EYS: variants seen among roughly 807,000 people sequenced by gnomAD.
EYS encodes EGF-like photoreceptor maintenance factor, also known as protein eyes shut homolog.
EYS carries 250 observed loss-of-function variants against 282.1 expected under a neutral mutation model. The ratio of observed to expected loss-of-function variants is 0.89; its 90% CI spans 0.80 to 0.98. The LOEUF (loss-of-function observed/expected upper bound fraction) is 0.98. Ranked by LOEUF, EYS falls within the 50% of genes least tolerant of loss-of-function variation. The probability of loss-of-function intolerance (pLI) is 0.00; values close to 1 mark genes in which losing one functional copy is unlikely to be tolerated. For synonymous variants in EYS, 1,355 were observed against 1,282.9 expected, an observed-to-expected ratio of 1.06 and a Z score of -1.20; for missense variants, 4,016 against 3,709.0, an observed-to-expected ratio of 1.08 and a Z score of -2.15.
intron 33 of EYS, among the ~76,000 whole-genome samples, chr6:64,055,281 C>T (rs1770944037): frequency 6.6e-6 from 1 of 151,904 alleles, no homozygotes; most frequent in Non-Finnish European, 1.5e-5. Flanking sequence ...AGTCCTACAG[C>T]AGCAATAGAA....
chr6:64,156,983 C>T (rs191010740), intron 31 of EYS, among the ~76,000 whole-genome samples: 123 of 151,372 alleles, frequency 8.1e-4, no homozygotes, highest in African/African-American at 2.7e-3. Context: ...TATGCTGGTG[C>T]GCTGCACCCA....
chr6:64,743,793 G>A (rs993826426), intron 22 of EYS, among the ~76,000 whole-genome samples: 2 of 152,138 alleles, frequency 1.3e-5, no homozygotes, highest in Admixed American at 6.5e-5. Context: ...AAAAGTGTCA[G>A]AAAATAATTG....
chr6:64,343,722 G>A (rs559611964), intron 29 of EYS, among the ~76,000 whole-genome samples: 1 of 152,140 alleles, frequency 6.6e-6, no homozygotes, highest in Non-Finnish European at 1.5e-5. Context: ...AGAACTGAAG[G>A]AAATAGAGAC....
chr6:65,374,786 C>T (rs956930766), intron 8 of EYS, among the ~76,000 whole-genome samples: 9 of 152,154 alleles, frequency 5.9e-5, no homozygotes, highest in East Asian at 1.9e-4. Context: ...CTGGGCGGAA[C>T]GCATCACAGC....
chr6:64,781,739 C>T (rs1773869984), intron 22 of EYS, among the ~76,000 whole-genome samples: 1 of 152,070 alleles, frequency 6.6e-6, no homozygotes, highest in Admixed American at 6.5e-5. Flanking sequence ...TTTTCTTTTT[C>T]ATACATTGGA....
At chr6:65,340,249 C>T (rs1215256151) in intron 10 of EYS, among the ~76,000 whole-genome samples, 1 of 151,042 alleles carries the variant, frequency 6.6e-6, no homozygotes, top group Admixed American at 6.6e-5. Context: ...AATTTCATAA[C>T]ATTTTTGTAG....
At chr6:64,855,627 C>T (rs1379662332) in intron 19 of EYS, among the ~76,000 whole-genome samples, 1 of 152,030 alleles carries the variant, frequency 6.6e-6, no homozygotes, top group Non-Finnish European at 1.5e-5. Context: ...AATATTGATA[C>T]ATTATTAAGA....
At chr6:65,327,438 GTTAT>G (rs142928107) in intron 11 of EYS, among the ~76,000 whole-genome samples, 5,518 of 151,562 alleles carry the variant, frequency 0.036, 150 homozygotes, top group Non-Finnish European at 0.053. Context: ...GGTTTGTGAT[GTTAT>G]TTATTTCTTA....
At position 64,181,653 on chromosome 6, in the gene EYS, A is replaced by G. The variant is rs557977724; in HGVS notation, c.6424+48939T>C. Among the ~76,000 whole-genome samples the G allele has an allele frequency of 6.1e-4, 93 of 152,270 alleles. No homozygotes were observed. The Middle Eastern group carries it at 0.02, about 33-fold the overall frequency. Reference sequence around the variant, plus strand: ...TTTCATTAGATTACTTAATTATCAGAAAGTTACCACCAACAGAATAAATGG... The same window carrying G: ...TTTCATTAGATTACTTAATTATCAGGAAGTTACCACCAACAGAATAAATGG... On this transcript the variant is annotated intron_variant, in intron 31 of 42. Coordinates refer to ENST00000503581, the MANE Select transcript of EYS (RefSeq NM_001142800.2).
intron 5 of EYS, among the ~76,000 whole-genome samples, chr6:65,459,365 G>A (rs187704750): frequency 8.9e-4 from 135 of 152,132 alleles, no homozygotes; most frequent in African/African-American, 3.1e-3. Context: ...AATAATTGCT[G>A]TCATTATCTG....
intron 11 of EYS, among the ~76,000 whole-genome samples, chr6:65,326,096 A>G (rs960770297): frequency 6.6e-6 from 1 of 151,594 alleles, no homozygotes; most frequent in Non-Finnish European, 1.5e-5. Flanking sequence ...ATAAAATATC[A>G]TTTTGTCTAA....
intron 12 of EYS, among the ~76,000 whole-genome samples, chr6:65,118,437 T>A (rs1225779227): frequency 3.3e-5 from 5 of 152,236 alleles, no homozygotes; most frequent in Non-Finnish European, 7.3e-5. Context: ...ATAGGTCTTG[T>A]TAATGAGACA....
At chr6:64,679,174 T>G (rs557518394) in intron 22 of EYS, among the ~76,000 whole-genome samples, 1 of 130,530 alleles carries the variant, frequency 7.7e-6, no homozygotes, top group East Asian at 2.3e-4. Context: ...TTAATTAGTT[T>G]CTGGTTTATC....
At chr6:65,590,474 G>T (rs1349972480) in intron 2 of EYS, among the ~76,000 whole-genome samples, 1 of 151,812 alleles carries the variant, frequency 6.6e-6, no homozygotes, top group African/African-American at 2.4e-5. Context: ...TCATTTCTTT[G>T]TGGTGAGAAC....
intron 2 of EYS, among the ~76,000 whole-genome samples, chr6:65,619,723 G>T (rs1192804857): frequency 6.6e-6 from 1 of 150,958 alleles, no homozygotes; most frequent in South Asian, 2.1e-4. Context: ...TTTGAGATAC[G>T]TCCCATCAAT....
At chr6:65,558,390 G>C (rs141054420) in intron 2 of EYS, among the ~76,000 whole-genome samples, 208 of 152,374 alleles carry the variant, frequency 1.4e-3, no homozygotes, top group Non-Finnish European at 2.5e-3. Context: ...CACTGGAGCA[G>C]GCATTGGGAG....
chr6:65,635,788 C>T (rs550915448), intron 2 of EYS, among the ~76,000 whole-genome samples: 1 of 152,214 alleles, frequency 6.6e-6, no homozygotes, highest in East Asian at 1.9e-4. Flanking sequence ...GGTTTTTTGC[C>T]TGTCTGACAC....
At chr6:65,596,993 G>A (rs761964969) in intron 2 of EYS, among the ~76,000 whole-genome samples, 46 of 152,068 alleles carry the variant, frequency 3.0e-4, no homozygotes, top group Non-Finnish European at 5.1e-4. Context: ...CCAGAGAACC[G>A]AAGTAACTCA....
intron 2 of EYS, among the ~76,000 whole-genome samples, chr6:65,599,613 T>A (rs1366218807): frequency 6.6e-6 from 1 of 152,106 alleles, no homozygotes; most frequent in Non-Finnish European, 1.5e-5. Context: ...AAATTTTATG[T>A]TTCTATTAAA....
Sources: allele counts gnomAD v4.1 joint callset (sites outside exome capture counted in the v4.1 genomes callset), GRCh38; gene constraint gnomAD v4.1.1; transcripts MANE v1.5; gene names NCBI Gene and HGNC (gene_info 2026-07-23, HGNC 2026-07-21).